Variants in RPGRIP1L observed in about 807,000 individuals in gnomAD.
The protein encoded by RPGRIP1L is protein fantom.
A neutral mutation model predicts 160.4 loss-of-function variants in RPGRIP1L; 131 were observed. The ratio of observed to expected loss-of-function variants is 0.82; its 90% CI spans 0.71 to 0.94. The LOEUF is 0.94. RPGRIP1L is among the 40% of genes least tolerant of loss of function. The probability of loss-of-function intolerance (pLI) is 0.00; values close to 1 mark genes in which losing one functional copy is unlikely to be tolerated. For synonymous variants in RPGRIP1L, 510 were observed against 515.8 expected, an observed-to-expected ratio of 0.99 and a Z score of 0.15; for missense variants, 1,522 against 1,535.8, an observed-to-expected ratio of 0.99 and a Z score of 0.15.
chr16:53,622,708 A>AAGCCCAGG (rs924942422), intron 22 of RPGRIP1L, among the ~76,000 whole-genome samples: 18 of 151,950 alleles, frequency 1.2e-4, no homozygotes, highest in African/African-American at 4.3e-4. Flanking sequence ...CAGATTGCTT[A>AAGCCCAGG]AGCCCAGGAG....
intron 10 of RPGRIP1L, 199 bp from the exon 11 acceptor site, chr16:53,659,077 T>G (rs1967538213): frequency 3.3e-6 from 2 of 613,634 alleles, no homozygotes; most frequent in East Asian, 6.2e-5. Context: ...TACCATATGA[T>G]TCACTTGCTC....
intron 24 of RPGRIP1L, among the ~76,000 whole-genome samples, chr16:53,615,638 T>A (rs1396059479): frequency 6.6e-6 from 1 of 151,832 alleles, no homozygotes. Flanking sequence ...CATGCCCATC[T>A]AATTTTTGTA....
chr16:53,695,709 AAT>A (rs1292222750), intron 3 of RPGRIP1L: 1 of 415,192 alleles, frequency 2.4e-6, no homozygotes, highest in Non-Finnish European at 4.3e-6. Flanking sequence ...AGCAAAGTTA[AAT>A]ATGTTCCAGA....
At chr16:53,625,858 T>C (rs1404201853) in intron 22 of RPGRIP1L, among the ~76,000 whole-genome samples, 1 of 152,046 alleles carries the variant, frequency 6.6e-6, no homozygotes, top group Admixed American at 6.5e-5. Flanking sequence ...CCCCGTGCTC[T>C]CTGAAACATG....
rs1338744755 is a variant in RPGRIP1L, at chr16:53,600,460, G to A, written c.*1616C>T. The A allele has an allele frequency of 6.6e-6, 1 of 152,622 alleles. No individual in the cohort carries two copies. Among genetic ancestry groups the A allele is most frequent in the Non-Finnish European group, 1.5e-5 (1 of 68,054 alleles). 9.5% of individuals were successfully genotyped at this position (152,622 alleles called of 1,614,324 possible). On this transcript the variant is annotated 3_prime_UTR_variant, in exon 27 of 27. Transcript: ENST00000647211. ...AGCAAGATTCTTCTCGGAGATGGCA[G>A]GCCCCAGGACAGGGAGGCCCAGTGG...
chr16:53,640,982 T>C (rs748630609), intron 19 of RPGRIP1L, 51 bp downstream of exon 19: 1 of 1,292,420 alleles, frequency 7.7e-7, no homozygotes, highest in African/African-American at 1.5e-5. Flanking sequence ...ATATAATTTA[T>C]TTCAAATATT....
chr16:53,624,321 G>C lies in RPGRIP1L; in HGVS notation c.3295-1965C>G, dbSNP rs545551121. ...TAATCCCAGCACTTTGGGAGGCAGAGGCAGGCAGATCATGAGGTCAGGAGA... is the reference window on the plus strand; with the variant it reads ...TAATCCCAGCACTTTGGGAGGCAGACGCAGGCAGATCATGAGGTCAGGAGA... On this transcript the variant is annotated intron_variant, in intron 22 of 26. Transcript: ENST00000647211. Among the ~76,000 whole-genome samples, 339 of 152,330 alleles carry C rather than the reference G, an allele frequency of 2.2e-3. 1 individual carries two copies. Among genetic ancestry groups the C allele is most frequent in the African/African-American group, 7.5e-3 (311 of 41,570 alleles).
In RPGRIP1L at chr16:53,649,101, T is replaced by C. The variant is rs769280712; in HGVS notation, c.2167A>G (p.Ile723Val). ...TATTCCACTGTGCCAAAATTTGGGA[T>C]GTCTCCTTTTGTTCCTACAAATCAG... ...TASLIGTKGDIPNFGTVEYWF... is the reference protein window; with the variant it reads ...TASLIGTKGDVPNFGTVEYWF... Residue 723 changes from isoleucine (I) to valine (V), a missense_variant, in exon 16 of 27, where the codon ATC becomes GTC. Coordinates refer to ENST00000647211, the MANE Select transcript of RPGRIP1L (RefSeq NM_015272.5). 8.7e-6 allele frequency: 14 copies of C among 1,613,906 alleles called. No homozygotes were observed. In the Admixed American group the frequency reaches 2.0e-4, roughly 23 times the overall value.
chr16:53,692,156 G>C lies in RPGRIP1L; in HGVS notation c.439C>G (p.Gln147Glu). 6.2e-7 allele frequency: 1 copy of C among 1,613,920 alleles called. No individual in the cohort carries two copies. Among genetic ancestry groups the C allele is most frequent in the Non-Finnish European group, 8.5e-7 (1 of 1,179,994 alleles). The change falls in exon 4 of 27, where the codon CAA becomes GAA. Residue 147 changes from glutamine to glutamate, a missense_variant. Physicochemically the swap from Gln to Glu is conservative, Grantham distance 29. Coordinates refer to ENST00000647211, the MANE Select transcript of RPGRIP1L (RefSeq NM_015272.5). ...GATTGTACATTATTGTATGGAGTTTGCCTGTAACCCTGGGTTTGAAGTTGC... is the reference window on the plus strand; with the variant it reads ...GATTGTACATTATTGTATGGAGTTTCCCTGTAACCCTGGGTTTGAAGTTGC... ...KQQLQTQGYR[Q>E]TPYNNVQSRI... is the part of the protein sequence containing the mutation.
chr16:53,619,517 G>A (rs929571783), intron 23 of RPGRIP1L, among the ~76,000 whole-genome samples: 7 of 152,144 alleles, frequency 4.6e-5, no homozygotes, highest in African/African-American at 1.4e-4. Context: ...CTTCATCTCC[G>A]ATTGCTTTCA....
intron 3 of RPGRIP1L, chr16:53,694,114 C>T (rs1234561150): frequency 6.6e-6 from 1 of 152,100 alleles, no homozygotes; most frequent in Non-Finnish European, 1.5e-5. Flanking sequence ...CATACGTGAT[C>T]TGGCAAAGTC....
intron 26 of RPGRIP1L, among the ~76,000 whole-genome samples, chr16:53,603,004 A>G (rs571224587): frequency 1.3e-5 from 2 of 152,294 alleles, no homozygotes; most frequent in East Asian, 1.9e-4. Flanking sequence ...TGTGGGTTTG[A>G]GTATATGTAG....
At chr16:53,645,404 T>C (rs1966475018) in intron 17 of RPGRIP1L, among the ~76,000 whole-genome samples, 1 of 151,958 alleles carries the variant, frequency 6.6e-6, no homozygotes, top group African/African-American at 2.4e-5. Flanking sequence ...CTTAAGTATT[T>C]AATTCCATTA....
At chr16:53,635,166 C>T (rs999089360) in intron 22 of RPGRIP1L, among the ~76,000 whole-genome samples, 1 of 152,028 alleles carries the variant, frequency 6.6e-6, no homozygotes, top group African/African-American at 2.4e-5. Context: ...ATTTATTTTG[C>T]TAAACTTCTT....
At chr16:53,608,740 T>C (rs1963838924) in intron 25 of RPGRIP1L, among the ~76,000 whole-genome samples, 1 of 152,212 alleles carries the variant, frequency 6.6e-6, no homozygotes, top group Non-Finnish European at 1.5e-5. Flanking sequence ...TCTCATAAAC[T>C]AGGAGCTACT....
chr16:53,598,620 T>C lies in RPGRIP1L; in HGVS notation c.*3456A>G, dbSNP rs1217438870. 6.6e-6 allele frequency: 1 copy of C among 152,266 alleles called. No individual in the cohort carries two copies. Among genetic ancestry groups the C allele is most frequent in the Non-Finnish European group, 1.5e-5 (1 of 68,050 alleles). 9.4% of individuals were successfully genotyped at this position (152,266 alleles called of 1,614,324 possible). A position where few individuals can be genotyped will look rare whatever the true frequency, so the allele number is the denominator to read the frequency against. The stretch of plus-strand genomic sequence containing the variant: ...CTTGCTTTGATATTTTCTAGCTTTC[T>C]GGTTGACCTAGAGGTTGTTTTTGTT... On this transcript the variant is annotated 3_prime_UTR_variant, in exon 27 of 27. Transcript: ENST00000647211.
chr16:53,696,689 CATAAT>C (rs1970785291), intron 2 of RPGRIP1L, among the ~76,000 whole-genome samples: 1 of 152,002 alleles, frequency 6.6e-6, no homozygotes, highest in Admixed American at 6.6e-5. Context: ...ATTTGGTAAA[CATAAT>C]ATAACTAAGA....
intron 9 of RPGRIP1L, among the ~76,000 whole-genome samples, chr16:53,666,566 A>ATGTGTGTGTGTGTGTGTGTG (rs112955038): frequency 7.3e-6 from 1 of 136,718 alleles, no homozygotes; most frequent in African/African-American, 2.6e-5. Flanking sequence ...GAGTACATCT[A>ATGTGTGTGTGTGTGTGTGTG]TGTGTGTGTG....
chr16:53,629,543 A>G (rs1965383401), intron 22 of RPGRIP1L, among the ~76,000 whole-genome samples: 1 of 152,266 alleles, frequency 6.6e-6, no homozygotes, highest in African/African-American at 2.4e-5. Flanking sequence ...ACATCTTTAT[A>G]GAAAAGCTTT....
Sources: gnomAD v4.1 joint callset for allele counts (sites outside exome capture counted in the v4.1 genomes callset) on GRCh38, gnomAD v4.1.1 for gene constraint, MANE v1.5 for transcripts, NCBI Gene and HGNC (gene_info 2026-07-23, HGNC 2026-07-21) for gene names.